CCSER1: variants seen among roughly 807,000 people sequenced by gnomAD.
CCSER1 encodes coiled-coil serine rich protein 1.
Under a neutral mutation model 82.0 loss-of-function variants are expected in CCSER1, and 41 were observed. That is an observed-to-expected ratio of 0.50 (90% CI 0.39 to 0.65). The LOEUF is 0.65. Ranked by LOEUF, CCSER1 falls within the 30% of genes least tolerant of loss-of-function variation. The pLI is 0.00. For missense variants in CCSER1, 1,119 were observed against 1,064.2 expected (o/e 1.05, Z -0.72); for synonymous variants, 414 against 383.9 (o/e 1.08, Z -0.92).
At chr4:90,301,960 A>C (rs1008936923) in intron 1 of CCSER1, among the ~76,000 whole-genome samples, 3 of 152,124 alleles carry the variant, frequency 2.0e-5, no homozygotes, top group African/African-American at 7.2e-5. Flanking sequence ...TCATGTTTTC[A>C]ACTGTTTATT....
chr4:91,297,076 A>G (rs927128438), intron 10 of CCSER1, among the ~76,000 whole-genome samples: 5 of 151,800 alleles, frequency 3.3e-5, no homozygotes, highest in Non-Finnish European at 5.9e-5. Flanking sequence ...AATTAAGCAA[A>G]GAATGTAAAG....
At chr4:90,538,338 T>G (rs1775685784) in intron 5 of CCSER1, among the ~76,000 whole-genome samples, 1 of 152,122 alleles carries the variant, frequency 6.6e-6, no homozygotes, top group Admixed American at 6.5e-5. Context: ...AACTTTTAAT[T>G]TAATTTACAT....
intron 9 of CCSER1, among the ~76,000 whole-genome samples, chr4:90,984,814 A>G (rs1359347599): frequency 6.6e-6 from 1 of 151,874 alleles, no homozygotes; most frequent in African/African-American, 2.4e-5. Context: ...CAGACTTAGT[A>G]TCTTAGTCTG....
chr4:90,265,435 G>T (rs1026397857), intron 1 of CCSER1, among the ~76,000 whole-genome samples: 1 of 151,670 alleles, frequency 6.6e-6, no homozygotes, highest in Non-Finnish European at 1.5e-5. Context: ...TGTAATATTA[G>T]GACTGGTTAA....
chr4:91,245,568 G>T (rs372044703), intron 10 of CCSER1, among the ~76,000 whole-genome samples: 1 of 152,044 alleles, frequency 6.6e-6, no homozygotes, highest in East Asian at 1.9e-4. Context: ...AGAAGAAAGA[G>T]AAATAAAGGT....
In CCSER1 at chr4:90,271,863, T is replaced by TGTATATATATATATA. The variant is rs61116868; in HGVS notation, c.-41-36381_-41-36380insGTATATATATATATA. Among the ~76,000 whole-genome samples, 15 of 19,778 alleles carry TGTATATATATATATA rather than the reference T, an allele frequency of 7.6e-4. 2 individuals are homozygous for TGTATATATATATATA. Among genetic ancestry groups the TGTATATATATATATA allele is most frequent in the African/African-American group, 4.1e-3 (13 of 3,206 alleles). The allele number at this position is 19,778 out of a possible 152,430, so 13.0% of individuals were successfully genotyped here. A position where few individuals can be genotyped will look rare whatever the true frequency, so the allele number is the denominator to read the frequency against. On this transcript the variant is annotated intron_variant, in intron 1 of 10. Coordinates refer to ENST00000509176, the MANE Select transcript of CCSER1 (RefSeq NM_001145065.2). ...ATATATATATATATATATATATATA[T>TGTATATATATATATA]TTTTTTTTTTTTTTTTTTTTTTTTT...
At chr4:90,263,628 C>T (rs1178450990) in intron 1 of CCSER1, among the ~76,000 whole-genome samples, 1 of 152,014 alleles carries the variant, frequency 6.6e-6, no homozygotes, top group African/African-American at 2.4e-5. Flanking sequence ...CTGTAATGGC[C>T]CGAGTTGATT....
chr4:90,984,915 T>G (rs967291853), intron 9 of CCSER1, among the ~76,000 whole-genome samples: 2 of 151,734 alleles, frequency 1.3e-5, no homozygotes, highest in Non-Finnish European at 2.9e-5. Context: ...TTGTCTTAAA[T>G]TCCACTGTCT....
At chr4:90,980,656 G>C (rs1043538519) in intron 9 of CCSER1, among the ~76,000 whole-genome samples, 1 of 151,658 alleles carries the variant, frequency 6.6e-6, no homozygotes, top group Non-Finnish European at 1.5e-5. Flanking sequence ...TTTTGTAATG[G>C]TGAGATGAAG....
intron 5 of CCSER1, among the ~76,000 whole-genome samples, chr4:90,552,036 G>A (rs1381796684): frequency 1.3e-5 from 2 of 152,106 alleles, no homozygotes; most frequent in Non-Finnish European, 2.9e-5. Flanking sequence ...AAGGCAGAAG[G>A]GAAAGGGAGC....
intron 10 of CCSER1, among the ~76,000 whole-genome samples, chr4:91,245,140 G>A (rs1374726984): frequency 1.3e-5 from 2 of 152,094 alleles, no homozygotes; most frequent in Non-Finnish European, 2.9e-5. Flanking sequence ...ACACCTGCAA[G>A]ATCTGGAAAA....
intron 10 of CCSER1, among the ~76,000 whole-genome samples, chr4:91,086,838 C>A (rs939136952): frequency 1.3e-5 from 2 of 151,798 alleles, no homozygotes; most frequent in African/African-American, 4.8e-5. Context: ...ATTTTAGTTC[C>A]TAGTGAATTT....
chr4:90,731,459 G>C (rs556506500), intron 7 of CCSER1, among the ~76,000 whole-genome samples: 33 of 152,188 alleles, frequency 2.2e-4, no homozygotes, highest in Non-Finnish European at 7.4e-5. Flanking sequence ...AAAGCACATA[G>C]GTAAAACTAA....
At chr4:91,320,054 C>T (rs929964385) in intron 10 of CCSER1, among the ~76,000 whole-genome samples, 2 of 151,984 alleles carry the variant, frequency 1.3e-5, no homozygotes, top group African/African-American at 2.4e-5. Flanking sequence ...GTGCTACCTG[C>T]CCTAGCCACT....
intron 3 of CCSER1, among the ~76,000 whole-genome samples, chr4:90,385,341 C>A (rs1001100823): frequency 6.6e-6 from 1 of 151,142 alleles, no homozygotes; most frequent in African/African-American, 2.4e-5. Flanking sequence ...ATTTACATTC[C>A]CACCAATAGT....
intron 6 of CCSER1, among the ~76,000 whole-genome samples, chr4:90,704,888 A>C (rs565362795): frequency 6.6e-6 from 1 of 152,104 alleles, no homozygotes; most frequent in African/African-American, 2.4e-5. Context: ...ATCTTTTTTC[A>C]AGGTTTTTAG....
At chr4:91,100,814 A>G (rs990866737) in intron 10 of CCSER1, among the ~76,000 whole-genome samples, 1 of 152,200 alleles carries the variant, frequency 6.6e-6, no homozygotes, top group South Asian at 2.1e-4. Flanking sequence ...ACCTTCCAAG[A>G]AATGACCTCA....
At chr4:91,439,445 AC>A (rs1754944652) in intron 10 of CCSER1, among the ~76,000 whole-genome samples, 1 of 152,290 alleles carries the variant, frequency 6.6e-6, no homozygotes, top group East Asian at 1.9e-4. Flanking sequence ...AGACTTTGTC[AC>A]CACCAGGCCT....
At chr4:91,320,762 C>T (rs1019928913) in intron 10 of CCSER1, among the ~76,000 whole-genome samples, 2 of 151,902 alleles carry the variant, frequency 1.3e-5, no homozygotes, top group African/African-American at 2.4e-5. Flanking sequence ...TTAATAAAAC[C>T]AGGAAAGCAC....
Sources: allele counts gnomAD v4.1 joint callset (sites outside exome capture counted in the v4.1 genomes callset), GRCh38; gene constraint gnomAD v4.1.1; transcripts MANE v1.5; gene names NCBI Gene and HGNC (gene_info 2026-07-23, HGNC 2026-07-21).